MYO5B: variants seen among roughly 807,000 people sequenced by gnomAD.
The protein encoded by MYO5B is myosin VB.
Under a neutral mutation model 229.3 loss-of-function variants are expected in MYO5B, and 143 were observed. The observed-to-expected ratio is 0.62, with a 90% CI of 0.54 to 0.72. The LOEUF (loss-of-function observed/expected upper bound fraction) is 0.72. MYO5B is among the 30% of genes least tolerant of loss of function. The pLI is 0.00. For synonymous variants in MYO5B, 918 were observed against 885.2 expected (o/e 1.04, Z -0.66); for missense variants, 2,321 against 2,331.0 (o/e 1.00, Z 0.09).
At chr18:49,872,036 G>A in intron 27 of MYO5B, 131 bp downstream of exon 27, 1 of 861,018 alleles carries the variant, frequency 1.2e-6, no homozygotes. Context: ...GCATGGAAAA[G>A]GGAAGCTACC....
intron 17 of MYO5B, among the ~76,000 whole-genome samples, chr18:49,920,975 C>T (rs553306872): frequency 6.6e-6 from 1 of 152,262 alleles, no homozygotes; most frequent in Admixed American, 6.5e-5. Flanking sequence ...GAGATAATGA[C>T]TCATATCATT....
intron 1 of MYO5B, among the ~76,000 whole-genome samples, chr18:50,184,196 T>C (rs184489545): frequency 6.6e-6 from 1 of 152,236 alleles, no homozygotes; most frequent in Admixed American, 6.5e-5. Flanking sequence ...GCAGGGGTTC[T>C]GCCTACATTT....
chr18:50,180,502 C>G (rs2033057856), intron 1 of MYO5B, among the ~76,000 whole-genome samples: 1 of 152,182 alleles, frequency 6.6e-6, no homozygotes, highest in Admixed American at 6.5e-5. Context: ...TTCCAGTCCT[C>G]CTTCCCACCT....
intron 1 of MYO5B, among the ~76,000 whole-genome samples, chr18:50,090,200 C>T (rs1217880387): frequency 6.6e-6 from 1 of 152,058 alleles, no homozygotes; most frequent in Non-Finnish European, 1.5e-5. Context: ...CCCTGGTGTT[C>T]CTCCACTCCA....
rs576512419 is a variant in MYO5B at position 50,071,664 on chromosome 18, G to A, written c.28-16286C>T. 4.6e-5 allele frequency among the ~76,000 whole-genome samples: 7 copies of A among 152,338 alleles called. No individual in the cohort carries two copies. In the East Asian group the frequency reaches 1.4e-3, roughly 29 times the overall value. On this transcript the variant is annotated intron_variant, in intron 1 of 39. Transcript: ENST00000285039. ...ATGACACTGCACTTCTCTCTGCAGA[G>A]TTAGCACAGCCATAGCTCCTGTAAC...
chr18:50,087,572 C>CA (rs3075643), intron 1 of MYO5B, among the ~76,000 whole-genome samples: 16,105 of 85,196 alleles, frequency 0.19, 1,171 homozygotes, highest in Middle Eastern at 0.28. Flanking sequence ...GACTCCATCT[C>CA]AAAAAAAAAA....
intron 1 of MYO5B, among the ~76,000 whole-genome samples, chr18:50,089,226 A>C (rs925729497): frequency 3.9e-5 from 6 of 152,068 alleles, no homozygotes; most frequent in African/African-American, 1.4e-4. Context: ...AAAAATACAA[A>C]AATTAGCCGG....
intron 21 of MYO5B, among the ~76,000 whole-genome samples, chr18:49,900,652 A>C (rs529227829): frequency 1.3e-5 from 2 of 152,296 alleles, no homozygotes; most frequent in Non-Finnish European, 2.9e-5. Context: ...TAGAATAGAT[A>C]CATTAAATCC....
intron 16 of MYO5B, among the ~76,000 whole-genome samples, chr18:49,935,350 G>A (rs1287089281): frequency 3.3e-5 from 5 of 152,204 alleles, no homozygotes; most frequent in African/African-American, 7.2e-5. Flanking sequence ...ATAGCCATGC[G>A]TGACAAGCGG....
intron 31 of MYO5B, chr18:49,850,665 T>C (rs939347822): frequency 6.6e-6 from 1 of 152,104 alleles, no homozygotes; most frequent in African/African-American, 2.4e-5. Flanking sequence ...CTAGAGAAAA[T>C]TGAGCCAGGA....
chr18:49,955,784 T>C (rs1038501247), intron 12 of MYO5B, among the ~76,000 whole-genome samples: 1 of 152,240 alleles, frequency 6.6e-6, no homozygotes, highest in African/African-American at 2.4e-5. Context: ...TATACTGTTT[T>C]ATATTTGTCT....
intron 2 of MYO5B, among the ~76,000 whole-genome samples, chr18:50,051,661 A>C (rs2030396961): frequency 6.6e-6 from 1 of 152,220 alleles, no homozygotes; most frequent in African/African-American, 2.4e-5. Flanking sequence ...CCTTGTACCC[A>C]TCATGGCTCT....
At chr18:49,968,843 C>T (rs965146361) in intron 10 of MYO5B, among the ~76,000 whole-genome samples, 2 of 152,118 alleles carry the variant, frequency 1.3e-5, no homozygotes, top group African/African-American at 4.8e-5. Context: ...TAGAGGCCTG[C>T]GTTAGTGAGA....
intron 29 of MYO5B, among the ~76,000 whole-genome samples, chr18:49,858,892 T>C (rs957494512): frequency 6.6e-6 from 1 of 152,036 alleles, no homozygotes; most frequent in Non-Finnish European, 1.5e-5. Context: ...ACTTAGGCCA[T>C]TATGGGCCAA....
chr18:49,904,513 C>T (rs995212054), intron 20 of MYO5B, among the ~76,000 whole-genome samples, 159 bp downstream of exon 20: 1 of 152,236 alleles, frequency 6.6e-6, no homozygotes, highest in Admixed American at 6.5e-5. Flanking sequence ...ACCCTTCCTA[C>T]CTTGTGGGAC....
At chr18:49,867,335 G>A (rs1335783643) in intron 27 of MYO5B, among the ~76,000 whole-genome samples, 2 of 152,178 alleles carry the variant, frequency 1.3e-5, no homozygotes, top group African/African-American at 4.8e-5. Context: ...AGACAAGATG[G>A]GGTTTCAGGG....
chr18:49,890,798 G>A (rs886221035), intron 22 of MYO5B, among the ~76,000 whole-genome samples: 2 of 152,164 alleles, frequency 1.3e-5, no homozygotes, highest in Non-Finnish European at 2.9e-5. Flanking sequence ...GCAAAATCTT[G>A]AAGTGTTTAT....
chr18:49,929,555 C>T lies in MYO5B; in HGVS notation c.2047G>A (p.Val683Met), dbSNP rs772367372. The change falls in exon 17 of 40, where the codon GTG (valine) becomes ATG (methionine). Residue 683 changes from valine (V) to methionine (M), a missense_variant. Transcript: ENST00000285039. Reference protein sequence around the residue: ...RAVQQLRACGVLETIRISAAG... With the variant: ...RAVQQLRACGMLETIRISAAG... ...GCACTGATTCGAATCGTCTCCAACA[C>T]CCCGCAGGCTCTGAGTTGCTGCACT... 1.8e-5 allele frequency: 29 copies of T among 1,608,360 alleles called. No homozygotes were observed. The highest frequency in any genetic ancestry group is 2.3e-5 in the Non-Finnish European group (27 of 1,179,204).
At chr18:49,922,949 GA>G (rs746720692) in intron 17 of MYO5B, among the ~76,000 whole-genome samples, 1 of 152,184 alleles carries the variant, frequency 6.6e-6, no homozygotes, top group Non-Finnish European at 1.5e-5. Context: ...AACAGTAGGA[GA>G]ATCCATTTTC....
Sources: gnomAD v4.1 joint callset for allele counts (sites outside exome capture counted in the v4.1 genomes callset) on GRCh38, gnomAD v4.1.1 for gene constraint, MANE v1.5 for transcripts, NCBI Gene and HGNC (gene_info 2026-07-23, HGNC 2026-07-21) for gene names.